SGPL1: variants seen among roughly 807,000 people sequenced by gnomAD.
The protein encoded by SGPL1 is SP-lyase 1.
A neutral mutation model predicts 68.9 loss-of-function variants in SGPL1; 37 were observed. The ratio of observed to expected loss-of-function variants is 0.54; its 90% confidence interval spans 0.41 to 0.71. The LOEUF is 0.71. Among genes scored for constraint, SGPL1 ranks in the 30% least tolerant of loss-of-function variants. SGPL1 has a pLI of 0.00. For synonymous variants in SGPL1, 236 were observed against 248.5 expected, an observed-to-expected ratio of 0.95 and a Z score of 0.47; for missense variants, 551 against 704.6, an observed-to-expected ratio of 0.78 and a Z score of 2.47.
intron 14 of SGPL1, among the ~76,000 whole-genome samples, chr10:70,876,953 G>GT (rs1412449577): frequency 1.3e-5 from 2 of 152,190 alleles, no homozygotes; most frequent in Admixed American, 6.5e-5. Context: ...TAGTAAACAT[G>GT]TTTTTTCTGG....
At chr10:70,859,232 T>G (rs1846010250) in intron 6 of SGPL1, 139 bp from the exon 7 acceptor site, 1 of 423,498 alleles carries the variant, frequency 2.4e-6, no homozygotes. Context: ...TTTGATCTTT[T>G]GGTTGAGGAA....
At chr10:70,841,044 A>G (rs1027039645) in intron 2 of SGPL1, among the ~76,000 whole-genome samples, 7 of 152,176 alleles carry the variant, frequency 4.6e-5, no homozygotes, top group Non-Finnish European at 1.0e-4. Context: ...GTATTTAACC[A>G]TCTGGTTTGA....
chr10:70,866,864 C>T (rs1482555561), intron 7 of SGPL1, among the ~76,000 whole-genome samples: 1 of 152,198 alleles, frequency 6.6e-6, no homozygotes, highest in Non-Finnish European at 1.5e-5. Flanking sequence ...TAACTCCTGG[C>T]CACAGGGATT....
At position 70,870,036 on chromosome 10, in the gene SGPL1, G is replaced by C. The variant is rs1263010954; in HGVS notation, c.810+139G>C. ...CAGAATATGAAAAACTGCATTGATA[G>C]TGGTGATTGACTGCAGCTTCAGTCT... is the stretch of plus-strand genomic sequence containing the variant. On this transcript the variant is annotated intron_variant, in intron 9 of 14. Transcript: ENST00000373202. The C allele has an allele frequency of 6.7e-6, 4 of 599,518 alleles. No individual in the cohort carries two copies. The East Asian group carries it at 1.2e-4, about 17-fold the overall frequency. The allele number at this position is 599,518 out of a possible 1,614,324, so 37.1% of individuals were successfully genotyped here.
chr10:70,849,935 T>C (rs941672499), intron 3 of SGPL1, among the ~76,000 whole-genome samples: 5 of 152,224 alleles, frequency 3.3e-5, no homozygotes, highest in Admixed American at 3.3e-4. Context: ...TTGAGCAAGT[T>C]TTGATGCTTT....
At chr10:70,816,734 C>T (rs2131838716) in intron 1 of SGPL1, 77 bp from the exon 2 acceptor site, 1 of 981,264 alleles carries the variant, frequency 1.0e-6, no homozygotes, top group Admixed American at 1.7e-5. Context: ...CATAACTTGG[C>T]TGCTCTGGCG....
intron 3 of SGPL1, among the ~76,000 whole-genome samples, chr10:70,849,704 C>T (rs1441015705): frequency 6.6e-6 from 1 of 152,180 alleles, no homozygotes; most frequent in Non-Finnish European, 1.5e-5. Context: ...AGAGGGAGCT[C>T]CTTCTGGCCA....
intron 8 of SGPL1, among the ~76,000 whole-genome samples, chr10:70,868,739 A>G (rs1846239776): frequency 6.6e-6 from 1 of 152,076 alleles, no homozygotes; most frequent in Admixed American, 6.5e-5. Flanking sequence ...ACATCTTTGA[A>G]TCCTGTGATA....
intron 2 of SGPL1, among the ~76,000 whole-genome samples, chr10:70,838,332 C>G (rs374374130): frequency 6.6e-6 from 1 of 152,102 alleles, no homozygotes; most frequent in East Asian, 1.9e-4. Flanking sequence ...AGTACCAGTT[C>G]GTAAGATTTT....
At chr10:70,857,506 A>T (rs1845984344) in intron 5 of SGPL1, 108 bp from the exon 6 acceptor site, 2 of 841,992 alleles carry the variant, frequency 2.4e-6, no homozygotes, top group African/African-American at 3.4e-5. Flanking sequence ...TCCACTCAAC[A>T]TTTTTTTCTT....
intron 7 of SGPL1, among the ~76,000 whole-genome samples, chr10:70,861,496 C>G (rs1231913590): frequency 6.6e-6 from 1 of 152,162 alleles, no homozygotes; most frequent in African/African-American, 2.4e-5. Context: ...CCTCACAGCC[C>G]TCGCTCGCTC....
chr10:70,872,634 A>C (rs928350238), intron 11 of SGPL1, among the ~76,000 whole-genome samples: 1 of 152,094 alleles, frequency 6.6e-6, no homozygotes, highest in Non-Finnish European at 1.5e-5. Context: ...CTTGTTTTAA[A>C]CTCAAGTATA....
chr10:70,852,571 A>G (rs1845901227), intron 4 of SGPL1, among the ~76,000 whole-genome samples: 1 of 152,172 alleles, frequency 6.6e-6, no homozygotes, highest in Non-Finnish European at 1.5e-5. Flanking sequence ...AATAAATGCT[A>G]GGGTTCCAGA....
chr10:70,857,407 T>C, intron 5 of SGPL1: 1 of 489,432 alleles, frequency 2.0e-6, no homozygotes, highest in East Asian at 3.8e-5. Flanking sequence ...TTTTTCACAT[T>C]GCTGATAATA....
intron 7 of SGPL1, among the ~76,000 whole-genome samples, chr10:70,863,757 T>C (rs1247440636): frequency 2.0e-5 from 3 of 152,246 alleles, no homozygotes; most frequent in Non-Finnish European, 2.9e-5. Flanking sequence ...TATTTTTCTT[T>C]ACTTGAACAT....
intron 5 of SGPL1, 70 bp downstream of exon 5, chr10:70,854,925 A>C: frequency 7.4e-7 from 1 of 1,359,988 alleles, no homozygotes; most frequent in Non-Finnish European, 9.9e-7. Context: ...TTTAATGTTC[A>C]CATAGGTTAA....
At chr10:70,866,331 G>C (rs571572933) in intron 7 of SGPL1, 1 of 151,976 alleles carries the variant, frequency 6.6e-6, no homozygotes, top group South Asian at 2.1e-4. Context: ...AGATTGCAGT[G>C]AGCCGAGATC....
At chr10:70,834,476 C>CAGTA (rs1359215828) in intron 2 of SGPL1, among the ~76,000 whole-genome samples, 1 of 152,220 alleles carries the variant, frequency 6.6e-6, no homozygotes, top group Non-Finnish European at 1.5e-5. Context: ...TTCCTTCAGA[C>CAGTA]AGTAGCATTT....
chr10:70,835,276 A>G (rs997816682), intron 2 of SGPL1, among the ~76,000 whole-genome samples: 12 of 152,206 alleles, frequency 7.9e-5, no homozygotes, highest in African/African-American at 2.9e-4. Context: ...CTGGTACCAT[A>G]GAGAGTTCAT....
Sources: gnomAD v4.1 joint callset for allele counts (sites outside exome capture counted in the v4.1 genomes callset) on GRCh38, gnomAD v4.1.1 for gene constraint, MANE v1.5 for transcripts, NCBI Gene and HGNC (gene_info 2026-07-23, HGNC 2026-07-21) for gene names.